Variants in DLG2 observed in about 807,000 individuals in gnomAD.
The protein encoded by DLG2 is disks large homolog 2.
In DLG2, 45 loss-of-function variants were observed where a neutral mutation model predicts 132.5. That is an observed-to-expected ratio of 0.34 (90% CI 0.27 to 0.44). DLG2 has a LOEUF of 0.44. Ranked by LOEUF, DLG2 falls within the 20% of genes least tolerant of loss-of-function variation. The pLI is 1.00. For missense variants in DLG2, 1,045 were observed against 1,196.9 expected (o/e 0.87, Z 1.87); for synonymous variants, 424 against 419.6 (o/e 1.01, Z -0.13).
At chr11:84,926,538 G>A (rs2092983432) in intron 6 of DLG2, among the ~76,000 whole-genome samples, 2 of 151,998 alleles carry the variant, frequency 1.3e-5, no homozygotes, top group Admixed American at 1.3e-4. Context: ...CTGATATTGT[G>A]TGAGGCTATT....
intron 4 of DLG2, among the ~76,000 whole-genome samples, chr11:85,159,235 T>G (rs2077843703): frequency 6.6e-6 from 1 of 152,168 alleles, no homozygotes; most frequent in Non-Finnish European, 1.5e-5. Context: ...AGGTAATTCA[T>G]GGAGCTTTAG....
intron 6 of DLG2, among the ~76,000 whole-genome samples, chr11:84,625,929 T>C (rs1047423953): frequency 4.6e-5 from 7 of 152,188 alleles, no homozygotes; most frequent in Non-Finnish European, 8.8e-5. Context: ...TGAAATTTAG[T>C]GGGATCCTTA....
intron 9 of DLG2, among the ~76,000 whole-genome samples, chr11:84,143,786 T>C (rs2094955359): frequency 6.6e-6 from 1 of 152,192 alleles, no homozygotes; most frequent in Non-Finnish European, 1.5e-5. Flanking sequence ...GAAGCAGGTA[T>C]TCATTGTAGG....
chr11:83,693,108 G>C (rs1555335239), intron 18 of DLG2: 1 of 151,952 alleles, frequency 6.6e-6, no homozygotes, highest in Non-Finnish European at 1.5e-5. Context: ...CTTTTTTTGA[G>C]TTTTGATTGT....
rs75979096 is a variant in DLG2, at chr11:84,281,142, C to T, written c.520-29851G>A. On this transcript the variant is annotated intron_variant, in intron 7 of 27. Coordinates refer to ENST00000376104, the MANE Select transcript of DLG2 (RefSeq NM_001142699.3). ...CAAAACAACAAACTTTGATTCACAC[C>T]TCTTGTTACATGTTAACTCAACGTG... Among the ~76,000 whole-genome samples, 650 of 152,084 alleles carry T rather than the reference C, an allele frequency of 4.3e-3. 6 individuals are homozygous for T. Among genetic ancestry groups the T allele is most frequent in the Non-Finnish European group, 7.6e-3 (520 of 67,994 alleles).
chr11:84,345,990 GAA>G (rs1356306498), intron 7 of DLG2, among the ~76,000 whole-genome samples: 1 of 152,154 alleles, frequency 6.6e-6, no homozygotes, highest in African/African-American at 2.4e-5. Flanking sequence ...AAGCAGTAAA[GAA>G]AAGAGTACTT....
intron 7 of DLG2, among the ~76,000 whole-genome samples, chr11:84,417,651 T>C (rs1160094572): frequency 6.6e-6 from 1 of 152,184 alleles, no homozygotes; most frequent in African/African-American, 2.4e-5. Context: ...TCTGCCCACC[T>C]TGCCCCTTTA....
chr11:85,204,245 T>G (rs1169128702), intron 4 of DLG2, among the ~76,000 whole-genome samples: 1 of 152,032 alleles, frequency 6.6e-6, no homozygotes, highest in Non-Finnish European at 1.5e-5. Flanking sequence ...GAGGTCAAAT[T>G]TTATCCTTGT....
At chr11:83,901,191 C>T (rs1048021190) in intron 15 of DLG2, among the ~76,000 whole-genome samples, 2 of 152,202 alleles carry the variant, frequency 1.3e-5, no homozygotes, top group Non-Finnish European at 2.9e-5. Context: ...TTTACAGGCT[C>T]ATAGGCGGAA....
At chr11:84,921,795 G>C (rs1002790290) in intron 6 of DLG2, among the ~76,000 whole-genome samples, 9 of 152,124 alleles carry the variant, frequency 5.9e-5, no homozygotes, top group Non-Finnish European at 1.2e-4. Context: ...GATGATAATA[G>C]AGAAAATCCA....
At chr11:84,877,666 G>T (rs556032403) in intron 6 of DLG2, among the ~76,000 whole-genome samples, 44 of 152,024 alleles carry the variant, frequency 2.9e-4, no homozygotes, top group African/African-American at 1.0e-3. Flanking sequence ...GCCAGTCCAT[G>T]TCTTTTAATG....
intron 15 of DLG2, among the ~76,000 whole-genome samples, chr11:83,919,630 C>G (rs899257795): frequency 1.3e-5 from 2 of 152,098 alleles, no homozygotes; most frequent in Non-Finnish European, 2.9e-5. Context: ...CAGGGGTCAG[C>G]CACATCTGGA....
chr11:84,397,373 G>A lies in DLG2; in HGVS notation c.519+137197C>T, dbSNP rs566301550. Among the ~76,000 whole-genome samples, 7 of 152,294 alleles carry A rather than the reference G, an allele frequency of 4.6e-5. No individual in the cohort carries two copies. The South Asian group carries it at 1.5e-3, about 32-fold the overall frequency. The stretch of plus-strand genomic sequence containing the variant: ...ACTTCTATCTGAGACAATGCTATGT[G>A]CTCACCAAATTGTTTTATTGTCTTC... On this transcript the variant is annotated intron_variant, in intron 7 of 27. Coordinates refer to ENST00000376104, the MANE Select transcript of DLG2 (RefSeq NM_001142699.3).
chr11:85,370,780 G>A (rs1488505904), intron 3 of DLG2, among the ~76,000 whole-genome samples: 3 of 152,146 alleles, frequency 2.0e-5, no homozygotes, highest in Admixed American at 1.3e-4. Context: ...GAAAAGAGAG[G>A]TAAACAGGAT....
At chr11:84,739,074 A>C (rs1381015296) in intron 6 of DLG2, among the ~76,000 whole-genome samples, 1 of 152,138 alleles carries the variant, frequency 6.6e-6, no homozygotes, top group African/African-American at 2.4e-5. Flanking sequence ...GGCATGAGGA[A>C]TCTTGGGGTG....
chr11:84,558,021 T>C (rs1368733674), intron 6 of DLG2, among the ~76,000 whole-genome samples: 2 of 152,180 alleles, frequency 1.3e-5, no homozygotes, highest in East Asian at 1.9e-4. Context: ...CGTGACTATA[T>C]ATCAGATTTG....
intron 6 of DLG2, among the ~76,000 whole-genome samples, chr11:84,617,010 G>C (rs1377208727): frequency 6.8e-6 from 1 of 146,460 alleles, no homozygotes; most frequent in Non-Finnish European, 1.5e-5. Flanking sequence ...TATACTTTAA[G>C]TTCTGGGGTA....
intron 4 of DLG2, among the ~76,000 whole-genome samples, chr11:85,279,126 A>G (rs756356255): frequency 5.3e-5 from 8 of 152,166 alleles, no homozygotes; most frequent in Non-Finnish European, 7.4e-5. Flanking sequence ...AAAGAAGAAA[A>G]TAGTTAATAT....
intron 13 of DLG2, 70 bp downstream of exon 13, chr11:83,965,254 T>C: frequency 2.0e-6 from 3 of 1,487,550 alleles, no homozygotes; most frequent in Non-Finnish European, 1.8e-6. Context: ...TAGAACACTT[T>C]GTCAACAGTT....
Sources: gnomAD v4.1 joint callset for allele counts (sites outside exome capture counted in the v4.1 genomes callset) on GRCh38, gnomAD v4.1.1 for gene constraint, MANE v1.5 for transcripts, NCBI Gene and HGNC (gene_info 2026-07-23, HGNC 2026-07-21) for gene names.